Variants in ST6GAL1 observed in about 807,000 individuals in gnomAD.
ST6GAL1 encodes the protein ST6 beta-galactoside alpha-2,6-sialyltransferase 1.
ST6GAL1 carries 20 observed loss-of-function variants against 38.0 expected under a neutral mutation model. The observed-to-expected ratio is 0.53, with a 90% CI of 0.37 to 0.77. ST6GAL1 has a LOEUF of 0.77. Ranked by LOEUF, ST6GAL1 falls within the 30% of genes least tolerant of loss-of-function variation. ST6GAL1 has a pLI of 0.00. For synonymous variants in ST6GAL1, 196 were observed against 188.2 expected, an observed-to-expected ratio of 1.04 and a Z score of -0.34; for missense variants, 432 against 496.4, an observed-to-expected ratio of 0.87 and a Z score of 1.23.
intron 4 of ST6GAL1, among the ~76,000 whole-genome samples, chr3:187,049,655 T>C (rs1718442823): frequency 6.6e-6 from 1 of 152,242 alleles, no homozygotes; most frequent in Admixed American, 6.5e-5. Flanking sequence ...CTATTCCGTG[T>C]TGATTTCTTT....
At chr3:187,051,631 G>T in intron 5 of ST6GAL1, 1 of 369,004 alleles carries the variant, frequency 2.7e-6, no homozygotes, top group Non-Finnish European at 5.2e-6. Flanking sequence ...ATACCTGGAG[G>T]TTTACATGAG....
intron 2 of ST6GAL1, among the ~76,000 whole-genome samples, chr3:187,033,630 T>A (rs1717830295): frequency 6.6e-6 from 1 of 152,214 alleles, no homozygotes; most frequent in Non-Finnish European, 1.5e-5. Context: ...CTATATAAAT[T>A]CATACACAAT....
chr3:187,048,401 C>CACTT (rs970573160), intron 4 of ST6GAL1, among the ~76,000 whole-genome samples: 1 of 152,120 alleles, frequency 6.6e-6, no homozygotes, highest in Non-Finnish European at 1.5e-5. Context: ...GTGGTCCTGA[C>CACTT]ACTTGCTGCA....
chr3:186,991,618 C>T (rs866561526), intron 2 of ST6GAL1, among the ~76,000 whole-genome samples: 1 of 152,184 alleles, frequency 6.6e-6, no homozygotes, highest in African/African-American at 2.4e-5. Context: ...GGTTTATCTC[C>T]TCTGGCCTCT....
intron 1 of ST6GAL1, among the ~76,000 whole-genome samples, chr3:186,949,546 G>A (rs1485125533): frequency 1.3e-5 from 2 of 152,170 alleles, no homozygotes; most frequent in African/African-American, 4.8e-5. Flanking sequence ...AGGAGGAGAT[G>A]AACCAAAGGC....
intron 1 of ST6GAL1, among the ~76,000 whole-genome samples, chr3:186,940,537 T>C (rs1001188345): frequency 6.6e-6 from 1 of 152,270 alleles, no homozygotes; most frequent in African/African-American, 2.4e-5. Flanking sequence ...AGGATGGCTT[T>C]GAATGCGGCC....
At chr3:187,071,776 C>CAA (rs11330261) in intron 5 of ST6GAL1, among the ~76,000 whole-genome samples, 4,588 of 72,226 alleles carry the variant, frequency 0.064, 339 homozygotes, top group African/African-American at 0.18. Flanking sequence ...GACTCCGCCT[C>CAA]AAAAAAAAAA....
At chr3:187,031,373 A>G (rs1401155019) in intron 2 of ST6GAL1, among the ~76,000 whole-genome samples, 1 of 152,270 alleles carries the variant, frequency 6.6e-6, no homozygotes, top group South Asian at 2.1e-4. Context: ...GTTTGTAAAA[A>G]TGGGGGTAGT....
At chr3:186,969,307 C>T (rs1434258546) in intron 2 of ST6GAL1, among the ~76,000 whole-genome samples, 9 of 152,188 alleles carry the variant, frequency 5.9e-5, no homozygotes, top group Non-Finnish European at 4.4e-5. Context: ...CCCGCCTCAG[C>T]CCCACAAAGT....
Position 187,035,496 on chromosome 3 carries a change from T to C in ST6GAL1, c.-182-3246T>C, listed in dbSNP as rs115173129. ...CTCAGAGGCATTCCAGTACCTGACT[T>C]AGAACTGCACTGTAAGGCTACAGTA... is the stretch of plus-strand genomic sequence containing the variant. On this transcript the variant is annotated intron_variant, in intron 2 of 7. Transcript: ENST00000169298. 9.6e-3 allele frequency among the ~76,000 whole-genome samples: 1,455 copies of C among 152,280 alleles called. 25 individuals are homozygous for C. The highest frequency in any genetic ancestry group is 0.033 in the African/African-American group (1,383 of 41,542).
chr3:187,051,383 G>C, intron 5 of ST6GAL1, 37 bp downstream of exon 5: 2 of 1,589,924 alleles, frequency 1.3e-6, no homozygotes, highest in Non-Finnish European at 1.7e-6. Context: ...AGTAAGAGAA[G>C]GACCACAGTG....
intron 2 of ST6GAL1, among the ~76,000 whole-genome samples, chr3:186,996,262 T>C (rs939629130): frequency 3.3e-5 from 5 of 152,216 alleles, no homozygotes; most frequent in African/African-American, 1.2e-4. Context: ...GACAATTGTG[T>C]TTTTGATACA....
chr3:187,055,885 C>T (rs28793680), intron 5 of ST6GAL1, among the ~76,000 whole-genome samples: 13,831 of 151,854 alleles, frequency 0.091, 2,058 homozygotes, highest in African/African-American at 0.31. Context: ...CTCGTTGATC[C>T]GTCTAATATT....
intron 2 of ST6GAL1, among the ~76,000 whole-genome samples, chr3:186,978,429 C>T (rs1355839329): frequency 6.6e-6 from 1 of 152,122 alleles, no homozygotes; most frequent in African/African-American, 2.4e-5. Flanking sequence ...CCTCTCTCTC[C>T]ACGTTACTCT....
intron 2 of ST6GAL1, among the ~76,000 whole-genome samples, chr3:186,989,570 A>T (rs907309754): frequency 6.6e-6 from 1 of 152,196 alleles, no homozygotes; most frequent in Non-Finnish European, 1.5e-5. Flanking sequence ...CTCACAGAGC[A>T]TGAAGCCCTA....
At chr3:186,984,725 C>CCCTT (rs1246224765) in intron 2 of ST6GAL1, among the ~76,000 whole-genome samples, 23 of 136,912 alleles carry the variant, frequency 1.7e-4, no homozygotes, top group African/African-American at 4.6e-4. Flanking sequence ...TTCCCTTCCT[C>CCCTT]CCTTCCTTCC....
intron 5 of ST6GAL1, among the ~76,000 whole-genome samples, chr3:187,070,820 C>A (rs181650134): frequency 2.3e-4 from 35 of 152,310 alleles, no homozygotes; most frequent in African/African-American, 8.4e-4. Flanking sequence ...TTCCCACTAC[C>A]CTGTGACCTC....
chr3:187,038,059 T>C (rs762255146), intron 2 of ST6GAL1, among the ~76,000 whole-genome samples: 5 of 152,108 alleles, frequency 3.3e-5, no homozygotes, highest in South Asian at 2.1e-4. Context: ...AAAATCTGTA[T>C]GAAGTTTATT....
chr3:187,061,419 A>G (rs1394425427), intron 5 of ST6GAL1, among the ~76,000 whole-genome samples: 2 of 152,120 alleles, frequency 1.3e-5, no homozygotes. Context: ...CCGATTAACC[A>G]AACAATCCTG....
Sources: gnomAD v4.1 joint callset for allele counts (sites outside exome capture counted in the v4.1 genomes callset) on GRCh38, gnomAD v4.1.1 for gene constraint, MANE v1.5 for transcripts, NCBI Gene and HGNC (gene_info 2026-07-23, HGNC 2026-07-21) for gene names.